Variants in SLC6A6 observed in about 807,000 individuals in gnomAD.
SLC6A6 encodes solute carrier family 6 member 6.
Under a neutral mutation model 68.8 loss-of-function variants are expected in SLC6A6, and 16 were observed. That is an observed-to-expected ratio of 0.23 (90% CI 0.16 to 0.35). SLC6A6 has a LOEUF of 0.35. SLC6A6 is among the 10% of genes least tolerant of loss of function. SLC6A6 has a pLI of 1.00. For missense variants in SLC6A6, 474 were observed against 802.8 expected (o/e 0.59, Z 4.95); for synonymous variants, 312 against 315.4 (o/e 0.99, Z 0.12).
chr3:14,419,406 G>T (rs1307221877), intron 2 of SLC6A6, among the ~76,000 whole-genome samples: 1 of 152,220 alleles, frequency 6.6e-6, no homozygotes, highest in Non-Finnish European at 1.5e-5. Context: ...GGGGCATGAT[G>T]CGGACATGGG....
rs530236333 is a variant in SLC6A6 at position 14,480,497 on chromosome 3, G to A, written c.1552-1174G>A. Among the ~76,000 whole-genome samples the A allele has an allele frequency of 2.6e-4, 39 of 152,314 alleles. 1 individual carries two copies. The highest frequency in any genetic ancestry group is 9.1e-4 in the African/African-American group (38 of 41,580). The stretch of plus-strand genomic sequence containing the variant: ...ACTGGCTCAAGCTCCTCCTGCTTGG[G>A]AGGGCCCAGGGCAGCATCTCTTGGG... On this transcript the variant is annotated intron_variant, in intron 13 of 14. Transcript: ENST00000622186.
At chr3:14,434,526 C>A (rs902497272) in intron 2 of SLC6A6, among the ~76,000 whole-genome samples, 1 of 152,172 alleles carries the variant, frequency 6.6e-6, no homozygotes, top group African/African-American at 2.4e-5. Flanking sequence ...GAGTTAACAG[C>A]CACTGCTTGC....
At chr3:14,437,791 T>C (rs1449900486) in intron 2 of SLC6A6, among the ~76,000 whole-genome samples, 1 of 151,256 alleles carries the variant, frequency 6.6e-6, no homozygotes, top group Non-Finnish European at 1.5e-5. Flanking sequence ...ATCCACTTTT[T>C]CTTATTTATT....
intron 2 of SLC6A6, among the ~76,000 whole-genome samples, chr3:14,420,249 A>G (rs1017199062): frequency 1.3e-5 from 2 of 152,242 alleles, no homozygotes; most frequent in Non-Finnish European, 2.9e-5. Context: ...CCTGGCCAAC[A>G]TGGCAAAACC....
At chr3:14,461,346 G>A (rs1231044567) in intron 6 of SLC6A6, among the ~76,000 whole-genome samples, 1 of 152,232 alleles carries the variant, frequency 6.6e-6, no homozygotes, top group African/African-American at 2.4e-5. Flanking sequence ...GTCAGTGGCT[G>A]TGCTGGGATT....
At chr3:14,408,576 C>G (rs568898453) in intron 1 of SLC6A6, among the ~76,000 whole-genome samples, 34 of 152,288 alleles carry the variant, frequency 2.2e-4, no homozygotes, top group Admixed American at 2.2e-3. Flanking sequence ...CTCAAGTGAT[C>G]CGCCTGCCTT....
At chr3:14,440,099 G>A (rs1188258668) in intron 2 of SLC6A6, among the ~76,000 whole-genome samples, 3 of 152,112 alleles carry the variant, frequency 2.0e-5, no homozygotes, top group Non-Finnish European at 4.4e-5. Context: ...TGGAGTGTGT[G>A]CCACATCTTG....
At chr3:14,478,832 C>T (rs1700942826) in intron 12 of SLC6A6, 1 of 592,212 alleles carries the variant, frequency 1.7e-6, no homozygotes, top group Non-Finnish European at 3.0e-6. Context: ...CTCCTTGAGG[C>T]CTTGGGTTTG....
chr3:14,461,847 A>G (rs1012728545), intron 6 of SLC6A6, among the ~76,000 whole-genome samples: 6 of 152,170 alleles, frequency 3.9e-5, no homozygotes, highest in Admixed American at 2.6e-4. Flanking sequence ...CCTGCTGCCC[A>G]GGCCCTTACC....
chr3:14,439,214 G>C (rs370981803), intron 2 of SLC6A6, among the ~76,000 whole-genome samples: 2 of 152,250 alleles, frequency 1.3e-5, no homozygotes, highest in Non-Finnish European at 2.9e-5. Flanking sequence ...CCTCAGCCAG[G>C]CTGCTCGCTT....
intron 1 of SLC6A6, among the ~76,000 whole-genome samples, chr3:14,412,703 G>T (rs1699276944): frequency 6.6e-6 from 1 of 152,180 alleles, no homozygotes; most frequent in African/African-American, 2.4e-5. Flanking sequence ...CAAATCCCAG[G>T]CACTGTGGAC....
intron 4 of SLC6A6, among the ~76,000 whole-genome samples, chr3:14,446,986 T>C (rs1186006735): frequency 6.6e-6 from 1 of 152,160 alleles, no homozygotes; most frequent in Non-Finnish European, 1.5e-5. Flanking sequence ...AGACTATCCA[T>C]CCATTTTCCA....
chr3:14,448,541 G>A (rs1389350734), intron 5 of SLC6A6, among the ~76,000 whole-genome samples: 1 of 152,178 alleles, frequency 6.6e-6, no homozygotes, highest in Admixed American at 6.5e-5. Flanking sequence ...AAGCACTCTA[G>A]GAACAAGAAA....
At chr3:14,461,727 T>C (rs1345302405) in intron 6 of SLC6A6, among the ~76,000 whole-genome samples, 1 of 152,194 alleles carries the variant, frequency 6.6e-6, no homozygotes, top group East Asian at 1.9e-4. Flanking sequence ...TTTCACTTTC[T>C]CAGCCTCACC....
chr3:14,460,187 G>A (rs1278424151), intron 6 of SLC6A6, among the ~76,000 whole-genome samples: 2 of 152,102 alleles, frequency 1.3e-5, no homozygotes, highest in East Asian at 1.9e-4. Context: ...CCGTGTGCCA[G>A]GTGCTTTGTA....
chr3:14,427,251 C>T (rs1699621002), intron 2 of SLC6A6, among the ~76,000 whole-genome samples: 1 of 150,926 alleles, frequency 6.6e-6, no homozygotes, highest in Non-Finnish European at 1.5e-5. Context: ...TAGATGTTCC[C>T]CTTCACACCT....
intron 6 of SLC6A6, 99 bp from the exon 7 acceptor site, chr3:14,466,417 A>C: frequency 7.2e-7 from 1 of 1,384,352 alleles, no homozygotes; most frequent in Non-Finnish European, 9.8e-7. Context: ...AGAACTCCTG[A>C]TCCTGACCAG....
chr3:14,445,639 G>C, intron 3 of SLC6A6, 78 bp from the exon 4 acceptor site: 1 of 1,520,010 alleles, frequency 6.6e-7, no homozygotes, highest in South Asian at 1.1e-5. Flanking sequence ...GGTTCCATTG[G>C]CTGGGAGGGC....
At chr3:14,441,497 A>G (rs898359211) in intron 2 of SLC6A6, among the ~76,000 whole-genome samples, 2 of 152,152 alleles carry the variant, frequency 1.3e-5, no homozygotes, top group Non-Finnish European at 2.9e-5. Context: ...GAAGGGCTCC[A>G]TGAGCTGCCC....
Sources: gnomAD v4.1 joint callset for allele counts (sites outside exome capture counted in the v4.1 genomes callset) on GRCh38, gnomAD v4.1.1 for gene constraint, MANE v1.5 for transcripts, NCBI Gene and HGNC (gene_info 2026-07-23, HGNC 2026-07-21) for gene names.